The following FGD6 variants were observed in gnomAD, a reference collection of about 807,000 sequenced individuals.
FGD6 encodes the protein FYVE, RhoGEF and PH domain containing 6.
A neutral mutation model predicts 149.4 loss-of-function variants in FGD6; 90 were observed. The ratio of observed to expected loss-of-function variants is 0.60; its 90% CI spans 0.51 to 0.72. FGD6 has a LOEUF of 0.72. Among genes scored for constraint, FGD6 ranks in the 30% least tolerant of loss-of-function variants. The pLI is 0.00. For missense variants in FGD6, 1,437 were observed against 1,684.8 expected (o/e 0.85, Z 2.57); for synonymous variants, 527 against 584.0 (o/e 0.90, Z 1.41).
At chr12:95,182,004 G>C (rs1420886215) in intron 2 of FGD6, among the ~76,000 whole-genome samples, 1 of 150,954 alleles carries the variant, frequency 6.6e-6, no homozygotes, top group Non-Finnish European at 1.5e-5. Context: ...CAAAGATGAT[G>C]TTTCTCTTAT....
intron 13 of FGD6, among the ~76,000 whole-genome samples, 183 bp downstream of exon 13, chr12:95,106,771 G>A (rs1878638414): frequency 6.6e-6 from 1 of 152,084 alleles, no homozygotes; most frequent in Non-Finnish European, 1.5e-5. Context: ...GTGGGTGCCT[G>A]TAGTCCCAGC....
chr12:95,116,560 C>A (rs1194387239), intron 8 of FGD6, among the ~76,000 whole-genome samples: 1 of 152,182 alleles, frequency 6.6e-6, no homozygotes, highest in African/African-American at 2.4e-5. Flanking sequence ...TTCTAAGTTG[C>A]ATTTTCTTTG....
intron 2 of FGD6, among the ~76,000 whole-genome samples, chr12:95,206,716 GAAA>G (rs1406622417): frequency 4.7e-5 from 7 of 148,314 alleles, no homozygotes; most frequent in Admixed American, 6.7e-5. Context: ...AAAAAAAAAA[GAAA>G]AAGAAGTACT....
At chr12:95,167,968 C>T (rs1880871523) in intron 3 of FGD6, among the ~76,000 whole-genome samples, 1 of 152,144 alleles carries the variant, frequency 6.6e-6, no homozygotes, top group Admixed American at 6.6e-5. Context: ...GGTCCAATGT[C>T]ATCCTTTTGC....
chr12:95,176,819 A>T (rs989059939), intron 2 of FGD6, among the ~76,000 whole-genome samples: 5 of 152,094 alleles, frequency 3.3e-5, no homozygotes, highest in Admixed American at 2.0e-4. Context: ...ATCTTTTAAA[A>T]TTTTAATTTA....
At chr12:95,179,048 G>A (rs1881208310) in intron 2 of FGD6, among the ~76,000 whole-genome samples, 2 of 152,140 alleles carry the variant, frequency 1.3e-5, no homozygotes, top group African/African-American at 4.8e-5. Flanking sequence ...GGGTGACTCT[G>A]TTAGGGTAAA....
At chr12:95,093,101 A>C (rs1471802346) in intron 15 of FGD6, among the ~76,000 whole-genome samples, 1 of 152,060 alleles carries the variant, frequency 6.6e-6, no homozygotes, top group East Asian at 1.9e-4. Flanking sequence ...GGTGCCTGTG[A>C]TCCCAGCTAC....
chr12:95,077,799 T>G lies in FGD6; in HGVS notation c.*3721A>C, dbSNP rs886422213. 1 of 152,226 alleles carries G rather than the reference T, an allele frequency of 6.6e-6. No homozygotes were observed. Among genetic ancestry groups the G allele is most frequent in the Non-Finnish European group, 1.5e-5 (1 of 68,038 alleles). 9.4% of individuals were successfully genotyped at this position (152,226 alleles called of 1,614,324 possible). ...GCAGATTCTGGAGTCTCAAATGGTA[T>G]CTTTCTCTTACAGAAGAAAATAAAC... On this transcript the variant is annotated 3_prime_UTR_variant, in exon 21 of 21. Transcript: ENST00000343958.
intron 3 of FGD6, among the ~76,000 whole-genome samples, chr12:95,154,108 T>A (rs1880397697): frequency 6.6e-6 from 1 of 152,030 alleles, no homozygotes; most frequent in Non-Finnish European, 1.5e-5. Context: ...TACAGGTGCG[T>A]GCCATCACGC....
At chr12:95,085,571 T>C (rs56385464) in intron 19 of FGD6, 5 of 534,724 alleles carry the variant, frequency 9.4e-6, no homozygotes, top group Admixed American at 7.5e-5. Context: ...TTTAATAATA[T>C]GGAAAATTCC....
chr12:95,107,845 C>T (rs1878679886), intron 11 of FGD6, among the ~76,000 whole-genome samples: 3 of 152,070 alleles, frequency 2.0e-5, no homozygotes, highest in Admixed American at 6.6e-5. Context: ...CAATATTGGC[C>T]CCTGGGATAC....
chr12:95,095,109 T>C (rs148149490), intron 14 of FGD6, among the ~76,000 whole-genome samples: 21 of 152,350 alleles, frequency 1.4e-4, no homozygotes, highest in East Asian at 3.9e-4. Context: ...ATTTATAGCA[T>C]AGAATACTAA....
chr12:95,090,932 G>A (rs148890761), intron 17 of FGD6, among the ~76,000 whole-genome samples: 74 of 152,136 alleles, frequency 4.9e-4, no homozygotes, highest in South Asian at 4.1e-3. Context: ...ACCGCCCCGC[G>A]TCTCTACTAA....
At position 95,091,949 on chromosome 12, in the gene FGD6, T is replaced by A. The variant is rs1056352450; in HGVS notation, c.3748-140A>T. ...ACTGAGTCTCACTTCGTCTCAATAATAACTCTGGAGTTCAGGCATATAGTG... is the reference window on the plus strand; with the variant it reads ...ACTGAGTCTCACTTCGTCTCAATAAAAACTCTGGAGTTCAGGCATATAGTG... On this transcript the variant is annotated intron_variant, in intron 16 of 20. Coordinates refer to ENST00000343958, the MANE Select transcript of FGD6 (RefSeq NM_018351.4). 4.7e-6 allele frequency: 3 copies of A among 638,690 alleles called. No homozygotes were observed. In the African/African-American group the frequency reaches 5.5e-5, roughly 12 times the overall value. 39.6% of individuals were successfully genotyped at this position (638,690 alleles called of 1,614,324 possible). A position where few individuals can be genotyped will look rare whatever the true frequency, so the allele number is the denominator to read the frequency against.
At chr12:95,175,804 AAAAAAAAAAAAAAAAG>A (rs1881117670) in intron 2 of FGD6, among the ~76,000 whole-genome samples, 1 of 146,380 alleles carries the variant, frequency 6.8e-6, no homozygotes, top group African/African-American at 2.5e-5. Flanking sequence ...TGTCTCAAAA[AAAAAAAAAAAAAAAAG>A]AAAAAAAAAA....
At chr12:95,172,765 G>T (rs200402704) in intron 2 of FGD6, 21 bp from the exon 3 acceptor site, 736 of 1,546,466 alleles carry the variant, frequency 4.8e-4, no homozygotes, top group Non-Finnish European at 6.1e-4. Flanking sequence ...CAGAAAGCAG[G>T]TATTAGTCAC....
chr12:95,125,866 C>T (rs1879323233), intron 8 of FGD6: 1 of 1,148,558 alleles, frequency 8.7e-7, no homozygotes, highest in South Asian at 1.2e-5. Flanking sequence ...CAGAACAGGG[C>T]TTTGGTTGGT....
intron 5 of FGD6, among the ~76,000 whole-genome samples, chr12:95,142,722 T>C (rs1056129481): frequency 2.0e-5 from 3 of 152,206 alleles, no homozygotes; most frequent in African/African-American, 7.2e-5. Flanking sequence ...ACATAAAACT[T>C]TTTTTGCAAT....
chr12:95,117,590 C>T (rs1879057929), intron 8 of FGD6, among the ~76,000 whole-genome samples: 1 of 152,014 alleles, frequency 6.6e-6, no homozygotes, highest in African/African-American at 2.4e-5. Flanking sequence ...CCACGTTGGG[C>T]TAAGTTTTTG....
Sources: allele counts gnomAD v4.1 joint callset (sites outside exome capture counted in the v4.1 genomes callset), GRCh38; gene constraint gnomAD v4.1.1; transcripts MANE v1.5; gene names NCBI Gene and HGNC (gene_info 2026-07-23, HGNC 2026-07-21).